SAMD5: variants seen among roughly 807,000 people sequenced by gnomAD.
The protein encoded by SAMD5 is sterile alpha motif domain containing 5.
In SAMD5, 13 loss-of-function variants were observed where a neutral mutation model predicts 11.3. The ratio of observed to expected loss-of-function variants is 1.15; its 90% CI spans 0.75 to 1.83. SAMD5 has a LOEUF of 1.83. Ranked by LOEUF, SAMD5 falls within the 40% of genes most tolerant of loss-of-function variation. SAMD5 has a pLI of 0.00. For missense variants in SAMD5, 255 were observed against 239.1 expected, an observed-to-expected ratio of 1.07 and a Z score of -0.44; for synonymous variants, 129 against 111.3, an observed-to-expected ratio of 1.16 and a Z score of -1.00.
chr6:147,620,708 G>A (rs1265680905), intron 1 of SAMD5, among the ~76,000 whole-genome samples: 2 of 152,172 alleles, frequency 1.3e-5, no homozygotes, highest in Non-Finnish European at 2.9e-5. Flanking sequence ...GAATTAAGTA[G>A]CCATCGCCTC....
At chr6:147,563,589 G>A (rs1788989295) in intron 1 of SAMD5, among the ~76,000 whole-genome samples, 1 of 152,176 alleles carries the variant, frequency 6.6e-6, no homozygotes, top group East Asian at 1.9e-4. Flanking sequence ...TGGGCACACA[G>A]CAGAGCCATG....
intron 1 of SAMD5, among the ~76,000 whole-genome samples, chr6:147,659,191 G>C (rs940300464): frequency 5.3e-5 from 8 of 152,122 alleles, no homozygotes; most frequent in Non-Finnish European, 1.0e-4. Context: ...TAGGTTAATA[G>C]GTATTCTTTG....
At chr6:147,908,522 C>T in the SAMD5 span, among the ~76,000 whole-genome samples, 1 of 152,316 alleles carries the variant, frequency 6.6e-6, no homozygotes, top group East Asian at 1.9e-4. Flanking sequence ...TTGTTATCCT[C>T]TTCCGATTCA....
intron 1 of SAMD5, among the ~76,000 whole-genome samples, chr6:147,556,133 C>A (rs1455068959): frequency 1.3e-5 from 2 of 151,594 alleles, no homozygotes; most frequent in Non-Finnish European, 1.5e-5. Context: ...TGCTCTGTCG[C>A]CCAGGCTGGA....
chr6:147,562,977 A>G (rs1429475239), intron 1 of SAMD5, among the ~76,000 whole-genome samples: 1 of 152,216 alleles, frequency 6.6e-6, no homozygotes, highest in Non-Finnish European at 1.5e-5. Context: ...ACTTTTTCGC[A>G]GTTTATAACA....
chr6:147,778,560 T>G, the SAMD5 span, among the ~76,000 whole-genome samples: 2 of 152,170 alleles, frequency 1.3e-5, no homozygotes, highest in Non-Finnish European at 2.9e-5. Flanking sequence ...ATTCATCCCT[T>G]CCTTTTCTCT....
intron 1 of SAMD5, among the ~76,000 whole-genome samples, chr6:147,658,148 A>G (rs574254766): frequency 6.6e-6 from 1 of 152,248 alleles, no homozygotes; most frequent in African/African-American, 2.4e-5. Context: ...CAGTCCTATG[A>G]CCTCTGGGGT....
At chr6:147,698,318 C>G (rs1020588962) in intron 1 of SAMD5, among the ~76,000 whole-genome samples, 1 of 152,132 alleles carries the variant, frequency 6.6e-6, no homozygotes, top group Non-Finnish European at 1.5e-5. Flanking sequence ...GACCCCACCT[C>G]CTAATGTTAT....
At chr6:147,798,514 T>C in the SAMD5 span, among the ~76,000 whole-genome samples, 3 of 150,754 alleles carry the variant, frequency 2.0e-5, no homozygotes, top group Non-Finnish European at 3.0e-5. Flanking sequence ...GGAATAGGTG[T>C]GGTGTGGTGC....
chr6:147,695,278 A>AT (rs149240516), intron 1 of SAMD5, among the ~76,000 whole-genome samples: 5 of 151,986 alleles, frequency 3.3e-5, no homozygotes, highest in East Asian at 1.9e-4. Flanking sequence ...CCCACTGGAA[A>AT]TTTTTTTTTA....
chr6:147,908,880 G>T, the SAMD5 span, among the ~76,000 whole-genome samples: 1 of 152,132 alleles, frequency 6.6e-6, no homozygotes. Flanking sequence ...TTCAATACCA[G>T]ATGCAGGCTA....
chr6:147,672,699 A>AT (rs200820736), intron 1 of SAMD5, among the ~76,000 whole-genome samples: 3,217 of 151,518 alleles, frequency 0.021, 70 homozygotes, highest in South Asian at 0.074. Flanking sequence ...ACTTTAAGCA[A>AT]TTTTTTTTGT....
chr6:147,665,962 A>G (rs1194916433), intron 1 of SAMD5, among the ~76,000 whole-genome samples: 4 of 152,162 alleles, frequency 2.6e-5, no homozygotes, highest in Admixed American at 2.6e-4. Flanking sequence ...GTTTTGAGAC[A>G]GGGTCTCACT....
intron 1 of SAMD5, among the ~76,000 whole-genome samples, chr6:147,660,439 C>G (rs1790631831): frequency 6.6e-6 from 1 of 152,110 alleles, no homozygotes; most frequent in Admixed American, 6.5e-5. Flanking sequence ...CAGTGTTGGG[C>G]AAAACAGACA....
At chr6:147,522,768 G>C (rs1037070875) in intron 1 of SAMD5, among the ~76,000 whole-genome samples, 1 of 152,024 alleles carries the variant, frequency 6.6e-6, no homozygotes, top group Non-Finnish European at 1.5e-5. Flanking sequence ...TGGAAGTTTC[G>C]GTCTCTGTCT....
chr6:147,807,099 G>GT, the SAMD5 span, among the ~76,000 whole-genome samples: 8 of 151,768 alleles, frequency 5.3e-5, no homozygotes, highest in East Asian at 9.7e-4. Flanking sequence ...GTTTTGTTTT[G>GT]TTTTTTGTTT....
the SAMD5 span, among the ~76,000 whole-genome samples, chr6:147,798,916 G>T: frequency 2.6e-5 from 4 of 152,048 alleles, no homozygotes; most frequent in African/African-American, 9.6e-5. Flanking sequence ...TTTTCCATTT[G>T]CTTGGTAGAT....
the SAMD5 span, among the ~76,000 whole-genome samples, chr6:147,745,635 T>C: frequency 6.6e-6 from 1 of 152,256 alleles, no homozygotes; most frequent in Non-Finnish European, 1.5e-5. Context: ...ACAAACAGTG[T>C]TTTCACAAAG....
intron 1 of SAMD5, among the ~76,000 whole-genome samples, chr6:147,555,713 G>A (rs1362230540): frequency 6.6e-6 from 1 of 152,174 alleles, no homozygotes; most frequent in Non-Finnish European, 1.5e-5. Context: ...GTTGAAGATT[G>A]ACCAATGATT....
Sources: gnomAD v4.1 joint callset for allele counts (sites outside exome capture counted in the v4.1 genomes callset) on GRCh38, gnomAD v4.1.1 for gene constraint, MANE v1.5 for transcripts, NCBI Gene and HGNC (gene_info 2026-07-23, HGNC 2026-07-21) for gene names.